The following GK5 variants were observed in gnomAD, a reference collection of about 807,000 sequenced individuals.
GK5 encodes the protein ATP:glycerol 3-phosphotransferase 5.
A neutral mutation model predicts 77.3 loss-of-function variants in GK5; 39 were observed. The observed-to-expected ratio is 0.50, with a 90% CI of 0.39 to 0.66. The LOEUF is 0.66. Ranked by LOEUF, GK5 falls within the 30% of genes least tolerant of loss-of-function variation. The pLI is 0.00. For synonymous variants in GK5, 211 were observed against 208.0 expected (o/e 1.01, Z -0.13); for missense variants, 487 against 633.8 (o/e 0.77, Z 2.49).
intron 6 of GK5, among the ~76,000 whole-genome samples, chr3:142,186,873 C>T (rs1190058251): frequency 6.6e-5 from 10 of 152,094 alleles, no homozygotes; most frequent in African/African-American, 2.2e-4. Context: ...TCAAGTGATC[C>T]GCCCGCCTCA....
chr3:142,166,596 C>T (rs1417494880), intron 15 of GK5, among the ~76,000 whole-genome samples: 2 of 151,902 alleles, frequency 1.3e-5, no homozygotes, highest in Non-Finnish European at 2.9e-5. Flanking sequence ...TAGAGTGGTG[C>T]GATCTCAGCT....
intron 9 of GK5, among the ~76,000 whole-genome samples, chr3:142,184,447 T>C (rs1307451238): frequency 1.3e-5 from 2 of 152,008 alleles, no homozygotes; most frequent in African/African-American, 4.8e-5. Context: ...TAAATAGATG[T>C]AAGTAAAAAC....
chr3:142,168,721 T>TCCCCCCCCCCCCCCCCCC (rs2063501508), intron 15 of GK5, among the ~76,000 whole-genome samples: 1 of 132,752 alleles, frequency 7.5e-6, no homozygotes, highest in Admixed American at 8.1e-5. Context: ...CTTTCTATGG[T>TCCCCCCCCCCCCCCCCCC]CCCCACCCCC....
In GK5 at chr3:142,173,098, G is replaced by A. The variant is rs958082644; in HGVS notation, c.1144-642C>T. On this transcript the variant is annotated intron_variant, in intron 12 of 15. Coordinates refer to ENST00000392993, the MANE Select transcript of GK5 (RefSeq NM_001039547.3). ...CACCTGTAGTTACAGCTACTTGGGA[G>A]GCTGAGGTGGAAGGATTGCTTGTGC... The A allele has an allele frequency of 6.4e-5, 24 of 376,742 alleles. 1 individual carries two copies. The highest frequency in any genetic ancestry group is 2.0e-3 in the Middle Eastern group (2 of 1,000). 23.3% of individuals were successfully genotyped at this position (376,742 alleles called of 1,614,324 possible). A position where few individuals can be genotyped will look rare whatever the true frequency, so the allele number is the denominator to read the frequency against.
intron 3 of GK5, among the ~76,000 whole-genome samples, chr3:142,206,679 A>C (rs1035089260): frequency 1.3e-5 from 2 of 152,238 alleles, no homozygotes; most frequent in Non-Finnish European, 2.9e-5. Context: ...AATATGTTAC[A>C]TGCTTCGAGG....
intron 11 of GK5, 152 bp from the exon 12 acceptor site, chr3:142,177,728 A>G: frequency 1.7e-6 from 1 of 594,926 alleles, no homozygotes; most frequent in Non-Finnish European, 3.0e-6. Context: ...GGGTCAGCAC[A>G]AAGACCATTC....
intron 9 of GK5, 53 bp from the exon 10 acceptor site, chr3:142,183,102 A>T: frequency 6.6e-7 from 1 of 1,509,104 alleles, no homozygotes. Flanking sequence ...GGCCAATTTT[A>T]TTATAGAGCA....
chr3:142,211,236 G>A (rs1426892978), intron 3 of GK5, among the ~76,000 whole-genome samples: 1 of 152,114 alleles, frequency 6.6e-6, no homozygotes, highest in Non-Finnish European at 1.5e-5. Context: ...TAGAGGCCAG[G>A]GATGCTGCTG....
At chr3:142,184,057 G>C (rs1251985560) in intron 9 of GK5, among the ~76,000 whole-genome samples, 1 of 151,454 alleles carries the variant, frequency 6.6e-6, no homozygotes, top group Admixed American at 6.6e-5. Context: ...AGGAGATCAA[G>C]ACCATCCTGG....
At chr3:142,218,552 A>T (rs960833551) in intron 1 of GK5, among the ~76,000 whole-genome samples, 11 of 151,544 alleles carry the variant, frequency 7.3e-5, no homozygotes, top group Admixed American at 2.6e-4. Flanking sequence ...AAAAAAAAAA[A>T]AAAAAAATCA....
chr3:142,170,954 C>T (rs778207823), intron 14 of GK5, among the ~76,000 whole-genome samples: 4 of 151,992 alleles, frequency 2.6e-5, no homozygotes, highest in South Asian at 2.1e-4. Context: ...TGTAGCTGGG[C>T]GCGTTGGCTC....
intron 4 of GK5, among the ~76,000 whole-genome samples, chr3:142,200,251 C>T (rs1484973309): frequency 1.3e-5 from 2 of 152,186 alleles, no homozygotes; most frequent in Non-Finnish European, 2.9e-5. Flanking sequence ...GCAATGCAAC[C>T]TCTGCCTCCC....
chr3:142,167,707 G>A (rs1454775773), intron 15 of GK5, among the ~76,000 whole-genome samples: 2 of 152,144 alleles, frequency 1.3e-5, no homozygotes, highest in African/African-American at 4.8e-5. Flanking sequence ...ACTGTGTTAT[G>A]TATAAAAATA....
rs374200989 is a variant in GK5, at chr3:142,176,531, A to G, written c.1143+951T>C. On this transcript the variant is annotated intron_variant, in intron 12 of 15. Coordinates refer to ENST00000392993, the MANE Select transcript of GK5 (RefSeq NM_001039547.3). Reference sequence around the variant, plus strand: ...GTAATAATATTCTAAAATTAAAGGTAGTATCAGAGATCTTTCAATTAAATA... The same window carrying G: ...GTAATAATATTCTAAAATTAAAGGTGGTATCAGAGATCTTTCAATTAAATA... Among the ~76,000 whole-genome samples, 20 of 152,232 alleles carry G rather than the reference A, an allele frequency of 1.3e-4. 1 individual carries two copies. The highest frequency in any genetic ancestry group is 4.8e-4 in the African/African-American group (20 of 41,556).
chr3:142,179,683 CCTCA>C (rs1235275000), intron 11 of GK5, among the ~76,000 whole-genome samples: 1 of 152,152 alleles, frequency 6.6e-6, no homozygotes, highest in Non-Finnish European at 1.5e-5. Context: ...TATTCACATT[CCTCA>C]CTGTTTGTTT....
chr3:142,220,558 T>C (rs977331913), intron 1 of GK5, among the ~76,000 whole-genome samples: 1 of 152,132 alleles, frequency 6.6e-6, no homozygotes. Flanking sequence ...TGGCTCCCAT[T>C]TCACTCAGAG....
At chr3:142,212,903 G>A (rs1484672647) in intron 3 of GK5, among the ~76,000 whole-genome samples, 4 of 144,688 alleles carry the variant, frequency 2.8e-5, no homozygotes, top group Admixed American at 2.1e-4. Context: ...GCGCAATCTC[G>A]GCTCACTGCA....
intron 12 of GK5, among the ~76,000 whole-genome samples, chr3:142,175,370 C>A (rs1315935762): frequency 6.6e-6 from 1 of 152,146 alleles, no homozygotes; most frequent in Non-Finnish European, 1.5e-5. Flanking sequence ...CACCCAGTAC[C>A]CCTTTCTCAG....
intron 3 of GK5, among the ~76,000 whole-genome samples, chr3:142,211,043 A>T (rs577494055): frequency 1.1e-4 from 17 of 152,240 alleles, no homozygotes; most frequent in Admixed American, 2.6e-4. Flanking sequence ...CCAAATCCTT[A>T]GCTTGCTTTT....
Sources: gnomAD v4.1 joint callset for allele counts (sites outside exome capture counted in the v4.1 genomes callset) on GRCh38, gnomAD v4.1.1 for gene constraint, MANE v1.5 for transcripts, NCBI Gene and HGNC (gene_info 2026-07-23, HGNC 2026-07-21) for gene names.